The following NFXL1 variants were observed in gnomAD, a reference collection of about 807,000 sequenced individuals.
NFXL1 encodes NF-X1-type zinc finger protein NFXL1.
Under a neutral mutation model 123.3 loss-of-function variants are expected in NFXL1, and 66 were observed. That is an observed-to-expected ratio of 0.54 (90% CI 0.44 to 0.66). NFXL1 has a LOEUF of 0.66. Ranked by LOEUF, NFXL1 falls within the 30% of genes least tolerant of loss-of-function variation. The probability of loss-of-function intolerance (pLI) is 0.00; values close to 1 mark genes in which losing one functional copy is unlikely to be tolerated. For synonymous variants in NFXL1, 346 were observed against 360.8 expected (o/e 0.96, Z 0.46); for missense variants, 944 against 1,125.6 (o/e 0.84, Z 2.31).
At chr4:47,878,237 C>CGTATG (rs1458476311) in intron 17 of NFXL1, among the ~76,000 whole-genome samples, 10 of 151,912 alleles carry the variant, frequency 6.6e-5, no homozygotes, top group African/African-American at 2.4e-4. Flanking sequence ...GATACATAAC[C>CGTATG]TATGTATTTT....
rs777408990 is a variant in NFXL1 at position 47,885,890 on chromosome 4, C to T, written c.1653G>A (p.Lys551=). The T allele has an allele frequency of 6.2e-6, 10 of 1,613,740 alleles. No individual in the cohort carries two copies. The African/African-American group carries it at 1.1e-4, about 17-fold the overall frequency. ...RERTTRPPKC[K]EQCSRPPTCH... is the part of the protein sequence containing the mutation. ...AGCTTCAAACTCACCTGCATTGCTCCTTGCACTTGGGTGGTCTTGTGGTAC... is the reference window on the plus strand; with the variant it reads ...AGCTTCAAACTCACCTGCATTGCTCTTTGCACTTGGGTGGTCTTGTGGTAC... Residue 551 remains lysine (K), a synonymous_variant, in exon 13 of 23, where the codon AAG becomes AAA. Coordinates refer to ENST00000507489, the MANE Select transcript of NFXL1 (RefSeq NM_001278624.2).
Position 47,851,121 on chromosome 4 carries a change from G to C in NFXL1, c.2536C>G (p.Leu846Val). 6.2e-7 allele frequency: 1 copy of C among 1,611,886 alleles called. No individual in the cohort carries two copies. Among genetic ancestry groups the C allele is most frequent in the Non-Finnish European group, 8.5e-7 (1 of 1,178,190 alleles). The stretch of plus-strand genomic sequence containing the variant: ...TGTTGTCTTCGTTTTTCTTCTTCAA[G>C]AGCAGCTTTGGCTTCTGCTTCTTTT... ...EIKEAEAKAA[L>V]EEEKRRQQAE... The change falls in exon 22 of 23, where the codon CTT (leucine) becomes GTT (valine). Residue 846 changes from leucine to valine, a missense_variant. Leu to Val is a conservative substitution (Grantham distance 32). Around this residue, in one of 4 missense-constraint regions of NFXL1, gnomAD observed 301 missense variants for 348.0 expected, o/e 0.86. Transcript: ENST00000507489.
chr4:47,899,786 T>C (rs1737282119), intron 5 of NFXL1, among the ~76,000 whole-genome samples: 2 of 152,196 alleles, frequency 1.3e-5, no homozygotes, highest in African/African-American at 4.8e-5. Flanking sequence ...GATTGTCCAA[T>C]ACAGTAGCAA....
At chr4:47,888,254 CAGAG>C (rs1188693498) in intron 12 of NFXL1, among the ~76,000 whole-genome samples, 2 of 152,132 alleles carry the variant, frequency 1.3e-5, no homozygotes, top group Non-Finnish European at 2.9e-5. Context: ...AGCCTGGTGA[CAGAG>C]AGAGACTCCG....
At chr4:47,858,298 G>T (rs1446567916) in intron 19 of NFXL1, among the ~76,000 whole-genome samples, 1 of 152,138 alleles carries the variant, frequency 6.6e-6, no homozygotes, top group Non-Finnish European at 1.5e-5. Context: ...TTCAGTAACT[G>T]GAAAAGTTAC....
At position 47,875,189 on chromosome 4, in the gene NFXL1, A is replaced by T; in HGVS notation, c.2184T>A (p.Pro728=). The T allele has an allele frequency of 6.2e-7, 1 of 1,612,720 alleles. No homozygotes were observed. The highest frequency in any genetic ancestry group is 1.1e-5 in the South Asian group (1 of 91,046). ...ILRCHPGECP[P]CVQMLRIKCH... The stretch of plus-strand genomic sequence containing the variant: ...ATTTTATTCTAAGCATCTGAACACA[A>T]GGTGGACATTCTCCAGGGTGACATC... The change falls in exon 18 of 23, where the codon CCT becomes CCA. Residue 728 remains proline (P), a synonymous_variant. Transcript: ENST00000507489.
intron 2 of NFXL1, among the ~76,000 whole-genome samples, chr4:47,912,112 C>T (rs1737854436): frequency 6.6e-6 from 1 of 152,074 alleles, no homozygotes; most frequent in Non-Finnish European, 1.5e-5. Context: ...ATTAACAAAA[C>T]AAATTGAGTA....
intron 17 of NFXL1, among the ~76,000 whole-genome samples, chr4:47,878,168 C>G (rs575467447): frequency 6.6e-6 from 1 of 151,712 alleles, no homozygotes; most frequent in East Asian, 1.9e-4. Context: ...AGTAAATGCT[C>G]TAAACTCAGA....
intron 2 of NFXL1, among the ~76,000 whole-genome samples, chr4:47,913,758 A>C (rs1233329691): frequency 6.6e-6 from 1 of 152,166 alleles, no homozygotes; most frequent in Admixed American, 6.5e-5. Flanking sequence ...AGGTAATACC[A>C]CCTAAAATTA....
chr4:47,864,972 G>C (rs1403900099), intron 18 of NFXL1, among the ~76,000 whole-genome samples: 2 of 152,214 alleles, frequency 1.3e-5, no homozygotes, highest in East Asian at 1.9e-4. Context: ...CTTCAGACCA[G>C]TGTCTGAAGG....
intron 4 of NFXL1, 62 bp downstream of exon 4, chr4:47,905,175 T>C (rs1348231673): frequency 4.5e-6 from 3 of 663,882 alleles, no homozygotes; most frequent in Non-Finnish European, 8.0e-6. Flanking sequence ...TCGTTAAGTA[T>C]TGTAAGGCAA....
At chr4:47,895,177 G>A (rs1737012044) in intron 10 of NFXL1, among the ~76,000 whole-genome samples, 2 of 152,110 alleles carry the variant, frequency 1.3e-5, no homozygotes, top group Admixed American at 1.3e-4. Context: ...TAGATGTGCT[G>A]TCATCTAGGC....
At chr4:47,893,977 T>C (rs1202282804) in intron 11 of NFXL1, among the ~76,000 whole-genome samples, 2 of 152,004 alleles carry the variant, frequency 1.3e-5, no homozygotes, top group Non-Finnish European at 2.9e-5. Flanking sequence ...AAGAAACTAT[T>C]CTCATTTGAA....
At chr4:47,853,764 A>C (rs1213838159) in intron 20 of NFXL1, among the ~76,000 whole-genome samples, 1 of 152,176 alleles carries the variant, frequency 6.6e-6, no homozygotes, top group Non-Finnish European at 1.5e-5. Context: ...CTGAACAAGC[A>C]GGCAAATGTC....
At chr4:47,876,118 T>C (rs1212591217) in intron 17 of NFXL1, among the ~76,000 whole-genome samples, 1 of 152,060 alleles carries the variant, frequency 6.6e-6, no homozygotes, top group Non-Finnish European at 1.5e-5. Context: ...TTTTTTGACA[T>C]ATAGGATTAA....
chr4:47,869,566 AAAG>A (rs1735304841), intron 18 of NFXL1, among the ~76,000 whole-genome samples: 1 of 152,214 alleles, frequency 6.6e-6, no homozygotes, highest in South Asian at 2.1e-4. Context: ...AAATACAAAG[AAAG>A]TAGTATATAC....
chr4:47,859,858 A>AAAAAC (rs1734639274), intron 19 of NFXL1, among the ~76,000 whole-genome samples: 1 of 145,400 alleles, frequency 6.9e-6, no homozygotes, highest in African/African-American at 2.5e-5. Context: ...AAAAAAAAAA[A>AAAAAC]AAAAAAAAAA....
chr4:47,901,404 G>A (rs1737348770), intron 5 of NFXL1, among the ~76,000 whole-genome samples: 1 of 151,916 alleles, frequency 6.6e-6, no homozygotes, highest in Non-Finnish European at 1.5e-5. Context: ...TTTTTTAACT[G>A]ATCCTTTCCT....
chr4:47,857,742 A>G (rs1734493508), intron 19 of NFXL1, among the ~76,000 whole-genome samples: 1 of 152,102 alleles, frequency 6.6e-6, no homozygotes, highest in South Asian at 2.1e-4. Flanking sequence ...TACCTGTTCT[A>G]GTTCCCTGAC....
Sources: gnomAD v4.1 joint callset for allele counts (sites outside exome capture counted in the v4.1 genomes callset) on GRCh38, gnomAD v4.1.1 for gene constraint, gnomAD v4.1.1 regional missense constraint, MANE v1.5 for transcripts, NCBI Gene and HGNC (gene_info 2026-07-23, HGNC 2026-07-21) for gene names.